TEAD1: variants seen among roughly 807,000 people sequenced by gnomAD.
TEAD1 encodes the protein TEA domain transcription factor 1.
A neutral mutation model predicts 54.9 loss-of-function variants in TEAD1; 9 were observed. The ratio of observed to expected loss-of-function variants is 0.16; its 90% confidence interval spans 0.10 to 0.29. The LOEUF is 0.29. Among genes scored for constraint, TEAD1 ranks in the 10% least tolerant of loss-of-function variants. The pLI, the probability that TEAD1 is intolerant of heterozygous loss-of-function variation, is 1.00. For missense variants in TEAD1, 387 were observed against 535.9 expected (o/e 0.72, Z 2.74); for synonymous variants, 200 against 187.8 (o/e 1.07, Z -0.53).
chr11:12,893,164 C>T (rs1415354797), intron 9 of TEAD1, among the ~76,000 whole-genome samples: 1 of 152,252 alleles, frequency 6.6e-6, no homozygotes, highest in Non-Finnish European at 1.5e-5. Flanking sequence ...TACATTTGGC[C>T]TTCCAGGTTT....
intron 10 of TEAD1, among the ~76,000 whole-genome samples, chr11:12,915,371 G>T (rs1022600340): frequency 3.9e-5 from 6 of 152,144 alleles, no homozygotes; most frequent in African/African-American, 4.8e-5. Flanking sequence ...GAGGACGGAG[G>T]TTTTGCAGGG....
At chr11:12,847,855 C>T (rs1947188054) in intron 3 of TEAD1, among the ~76,000 whole-genome samples, 1 of 152,148 alleles carries the variant, frequency 6.6e-6, no homozygotes, top group Non-Finnish European at 1.5e-5. Flanking sequence ...AACCAAGCAG[C>T]TGTCCTGAAT....
chr11:12,711,519 G>T (rs1334805312), intron 2 of TEAD1, among the ~76,000 whole-genome samples: 4 of 152,086 alleles, frequency 2.6e-5, no homozygotes, highest in Non-Finnish European at 5.9e-5. Context: ...TTCCCCAGGG[G>T]TCCCTGGCTG....
intron 3 of TEAD1, among the ~76,000 whole-genome samples, chr11:12,778,529 CTTTTTTT>C (rs775536398): frequency 1.4e-4 from 18 of 125,800 alleles, no homozygotes; most frequent in Middle Eastern, 8.1e-3. Flanking sequence ...TCATCAGACT[CTTTTTTT>C]TTTTTTTTTT....
Position 12,824,252 on chromosome 11 carries a change from C to T in TEAD1, c.203-37998C>T, listed in dbSNP as rs148415420. Reference sequence around the variant, plus strand: ...ATATATGAAATTAAAAATAACTACACTGGACACTGGGCTCTGCATACAGTA... The same window carrying T: ...ATATATGAAATTAAAAATAACTACATTGGACACTGGGCTCTGCATACAGTA... On this transcript the variant is annotated intron_variant, in intron 3 of 12. Transcript: ENST00000527636. 3.5e-4 allele frequency among the ~76,000 whole-genome samples: 53 copies of T among 152,294 alleles called. No homozygotes were observed. In the East Asian group the frequency reaches 7.3e-3, roughly 21 times the overall value.
At chr11:12,794,212 C>T (rs1284490591) in intron 3 of TEAD1, among the ~76,000 whole-genome samples, 28 of 152,158 alleles carry the variant, frequency 1.8e-4, no homozygotes, top group Non-Finnish European at 1.5e-5. Context: ...TTATGCGGTC[C>T]ATTTGGCATG....
intron 2 of TEAD1, among the ~76,000 whole-genome samples, chr11:12,697,716 G>T (rs553901630): frequency 2.0e-5 from 3 of 152,172 alleles, no homozygotes; most frequent in Admixed American, 6.5e-5. Flanking sequence ...AAGAAGGGGG[G>T]TATGTAGAAA....
chr11:12,894,678 A>G (rs1405565432), intron 9 of TEAD1, among the ~76,000 whole-genome samples: 1 of 152,334 alleles, frequency 6.6e-6, no homozygotes, highest in Non-Finnish European at 1.5e-5. Context: ...GTAACATCAG[A>G]ACAGAATCGC....
intron 2 of TEAD1, among the ~76,000 whole-genome samples, chr11:12,748,891 G>A (rs973026360): frequency 6.6e-5 from 10 of 151,972 alleles, no homozygotes; most frequent in Non-Finnish European, 1.3e-4. Context: ...TCAAATGGAC[G>A]TTCTTGGTGA....
chr11:12,851,742 T>C (rs1947278505), intron 3 of TEAD1, among the ~76,000 whole-genome samples: 2 of 151,392 alleles, frequency 1.3e-5, no homozygotes, highest in South Asian at 4.2e-4. Context: ...AGAGGTGAGC[T>C]GAGATCATTC....
At chr11:12,866,559 T>C (rs1259783859) in intron 5 of TEAD1, among the ~76,000 whole-genome samples, 1 of 152,222 alleles carries the variant, frequency 6.6e-6, no homozygotes, top group African/African-American at 2.4e-5. Flanking sequence ...GCGGTATTTA[T>C]GTTTGTTTCT....
intron 2 of TEAD1, among the ~76,000 whole-genome samples, chr11:12,687,770 A>G (rs1053699674): frequency 6.6e-6 from 1 of 152,086 alleles, no homozygotes; most frequent in Non-Finnish European, 1.5e-5. Flanking sequence ...GAGATTACTT[A>G]TCCTGCCCCA....
chr11:12,790,250 C>T (rs1945770055), intron 3 of TEAD1, among the ~76,000 whole-genome samples: 1 of 152,246 alleles, frequency 6.6e-6, no homozygotes, highest in Non-Finnish European at 1.5e-5. Flanking sequence ...TGTTTTCTCC[C>T]AGCCTGATGG....
chr11:12,934,746 T>C (rs368321123), intron 12 of TEAD1, among the ~76,000 whole-genome samples: 17 of 152,178 alleles, frequency 1.1e-4, no homozygotes, highest in Middle Eastern at 3.4e-3. Context: ...GAGGTTATCA[T>C]TGAAATATTT....
chr11:12,753,539 T>C (rs757716558), intron 2 of TEAD1, among the ~76,000 whole-genome samples: 2 of 152,246 alleles, frequency 1.3e-5, no homozygotes, highest in Non-Finnish European at 2.9e-5. Flanking sequence ...TTTCATATGT[T>C]TATGGGCCAT....
At chr11:12,786,926 A>G (rs1945688998) in intron 3 of TEAD1, among the ~76,000 whole-genome samples, 1 of 152,216 alleles carries the variant, frequency 6.6e-6, no homozygotes, top group Admixed American at 6.5e-5. Context: ...AGAGAGCACC[A>G]CAGACATCAA....
intron 2 of TEAD1, among the ~76,000 whole-genome samples, chr11:12,720,833 A>C (rs552846904): frequency 3.8e-4 from 58 of 152,184 alleles, no homozygotes; most frequent in Non-Finnish European, 7.8e-4. Flanking sequence ...TGCCAAGCCA[A>C]GACCCTCTCC....
chr11:12,682,163 T>C (rs1231892099), intron 2 of TEAD1, among the ~76,000 whole-genome samples: 1 of 152,262 alleles, frequency 6.6e-6, no homozygotes, highest in African/African-American at 2.4e-5. Context: ...CTTCAAATTC[T>C]GAATGTGATT....
intron 3 of TEAD1, among the ~76,000 whole-genome samples, chr11:12,770,263 A>G (rs991051612): frequency 6.6e-6 from 1 of 152,216 alleles, no homozygotes; most frequent in Non-Finnish European, 1.5e-5. Context: ...TGTATGCACA[A>G]GGTGTGAGCT....
Sources: allele counts gnomAD v4.1 joint callset (sites outside exome capture counted in the v4.1 genomes callset), GRCh38; gene constraint gnomAD v4.1.1; transcripts MANE v1.5; gene names NCBI Gene and HGNC (gene_info 2026-07-23, HGNC 2026-07-21).